The following ETFA variants were observed in gnomAD, a reference collection of about 807,000 sequenced individuals.
The protein encoded by ETFA is electron transfer flavoprotein subunit alpha, also known as electron transfer flavoprotein subunit alpha, mitochondrial.
Under a neutral mutation model 46.2 loss-of-function variants are expected in ETFA, and 22 were observed. The ratio of observed to expected loss-of-function variants is 0.48; its 90% CI spans 0.34 to 0.68. ETFA has a LOEUF of 0.68. Ranked by LOEUF, ETFA falls within the 30% of genes least tolerant of loss-of-function variation. The pLI, the probability that ETFA is intolerant of heterozygous loss-of-function variation, is 0.01. For synonymous variants in ETFA, 131 were observed against 139.9 expected, an observed-to-expected ratio of 0.94 and a Z score of 0.45; for missense variants, 345 against 401.1, an observed-to-expected ratio of 0.86 and a Z score of 1.19.
intron 9 of ETFA, among the ~76,000 whole-genome samples, chr15:76,270,754 G>T (rs1273819308): frequency 6.6e-6 from 1 of 151,986 alleles, no homozygotes; most frequent in Non-Finnish European, 1.5e-5. Context: ...AGACACAGAG[G>T]GGCCTCTCAC....
intron 9 of ETFA, among the ~76,000 whole-genome samples, chr15:76,270,924 C>T (rs1230620766): frequency 6.6e-6 from 1 of 152,150 alleles, no homozygotes; most frequent in Non-Finnish European, 1.5e-5. Context: ...AATCCCAGCA[C>T]TTTGGGAGAC....
At chr15:76,273,043 G>A (rs2039554889) in intron 9 of ETFA, among the ~76,000 whole-genome samples, 3 of 151,962 alleles carry the variant, frequency 2.0e-5, no homozygotes, top group African/African-American at 4.8e-5. Flanking sequence ...AACACAAAAC[G>A]TATTAAGCAT....
rs199789825 is a variant in ETFA at position 76,216,548 on chromosome 15, A to G, written c.*11T>C. 86 of 1,534,546 alleles carry G rather than the reference A, an allele frequency of 5.6e-5. No individual in the cohort carries two copies. In the African/African-American group the frequency reaches 9.1e-4, roughly 16 times the overall value. ...TTAACAAAAGTTTTCTTTTTAAGGC[A>G]TGATCCTGATTCATTTTTTCTTCAA... On this transcript the variant is annotated 3_prime_UTR_variant, in exon 12 of 12. Coordinates refer to ENST00000557943, the MANE Select transcript of ETFA (RefSeq NM_000126.4).
chr15:76,303,786 T>C (rs1280751902), intron 1 of ETFA, among the ~76,000 whole-genome samples: 1 of 152,112 alleles, frequency 6.6e-6, no homozygotes, highest in African/African-American at 2.4e-5. Context: ...TATTTAAAAC[T>C]CAAAAAACAA....
Position 76,225,849 on chromosome 15 carries a change from C to T in ETFA, c.963G>A (p.Lys321=). ...ADYGIVADLF[K]VVPEMTEILK... The stretch of plus-strand genomic sequence containing the variant: ...GCAATTTCTCTCAAGGCCAGCTTAC[C>T]TTAAATAAATCTGCAACTATTCCAT... Residue 321 remains lysine (K), a splice_region_variant and synonymous_variant, in exon 11 of 12, where the codon AAG becomes AAA. Coordinates refer to ENST00000557943, the MANE Select transcript of ETFA (RefSeq NM_000126.4). 1 of 1,597,492 alleles carries T rather than the reference C, an allele frequency of 6.3e-7. No homozygotes were observed. Among genetic ancestry groups the T allele is most frequent in the South Asian group, 1.1e-5 (1 of 90,752 alleles).
intron 9 of ETFA, among the ~76,000 whole-genome samples, chr15:76,237,237 G>C (rs1180906023): frequency 6.6e-6 from 1 of 152,144 alleles, no homozygotes; most frequent in Non-Finnish European, 1.5e-5. Flanking sequence ...ACTCTTAGTA[G>C]AGATGGGGTT....
intron 1 of ETFA, among the ~76,000 whole-genome samples, chr15:76,298,619 C>G (rs1470955508): frequency 6.6e-6 from 1 of 152,118 alleles, no homozygotes; most frequent in Non-Finnish European, 1.5e-5. Flanking sequence ...TTAGCAGCTA[C>G]ACAGGTAGGA....
At chr15:76,295,308 T>C (rs913918729) in intron 2 of ETFA, among the ~76,000 whole-genome samples, 1 of 152,194 alleles carries the variant, frequency 6.6e-6, no homozygotes, top group Non-Finnish European at 1.5e-5. Context: ...GCTATTAACC[T>C]CTAAGGGGAC....
chr15:76,268,930 A>C (rs1345776995), intron 9 of ETFA, among the ~76,000 whole-genome samples: 1 of 152,188 alleles, frequency 6.6e-6, no homozygotes, highest in Non-Finnish European at 1.5e-5. Flanking sequence ...AGAGATGAAA[A>C]TCTCACCCTT....
chr15:76,290,943 C>T (rs988131627), intron 4 of ETFA, among the ~76,000 whole-genome samples: 1 of 152,164 alleles, frequency 6.6e-6, no homozygotes, highest in Non-Finnish European at 1.5e-5. Context: ...AGGCTAAGCA[C>T]AGTGACTTAT....
Position 76,216,362 on chromosome 15 carries a change from T to C in ETFA, c.*197A>G, listed in dbSNP as rs902903489. 1.8e-6 allele frequency: 1 copy of C among 560,728 alleles called. No individual in the cohort carries two copies. Among genetic ancestry groups the C allele is most frequent in the African/African-American group, 1.9e-5 (1 of 52,678 alleles). 34.7% of individuals were successfully genotyped at this position (560,728 alleles called of 1,614,324 possible). A position where few individuals can be genotyped will look rare whatever the true frequency, so the allele number is the denominator to read the frequency against. On this transcript the variant is annotated 3_prime_UTR_variant, in exon 12 of 12. Transcript: ENST00000557943. ...AGAATTTAAAAAGTTCAAACAATAA[T>C]TGTTTGGAACCACAAATAATTAAAA...
intron 1 of ETFA, among the ~76,000 whole-genome samples, chr15:76,304,579 A>C (rs1163405267): frequency 6.6e-6 from 1 of 151,564 alleles, no homozygotes; most frequent in Non-Finnish European, 1.5e-5. Flanking sequence ...TGGAAGGATC[A>C]TTTAAGCCTA....
At chr15:76,221,798 A>C (rs1039953034) in intron 11 of ETFA, among the ~76,000 whole-genome samples, 3 of 152,220 alleles carry the variant, frequency 2.0e-5, no homozygotes, top group African/African-American at 7.2e-5. Flanking sequence ...AAAGCTCTTA[A>C]TTACTATAAC....
intron 9 of ETFA, among the ~76,000 whole-genome samples, chr15:76,254,601 A>G (rs2039331516): frequency 6.6e-6 from 1 of 152,074 alleles, no homozygotes; most frequent in African/African-American, 2.4e-5. Context: ...AGTCAAACCT[A>G]TTTTCATAGT....
intron 9 of ETFA, among the ~76,000 whole-genome samples, chr15:76,266,290 C>T (rs1267748291): frequency 1.3e-5 from 2 of 152,074 alleles, no homozygotes; most frequent in African/African-American, 4.8e-5. Flanking sequence ...TTACTGTTCC[C>T]GCCATAAATA....
intron 1 of ETFA, among the ~76,000 whole-genome samples, chr15:76,304,810 C>T (rs1053868635): frequency 5.9e-5 from 9 of 151,910 alleles, no homozygotes; most frequent in Non-Finnish European, 1.2e-4. Flanking sequence ...TTTGGGAGGC[C>T]GAGGCGGGCA....
At position 76,295,678 on chromosome 15, in the gene ETFA, T is replaced by C; in HGVS notation, c.99A>G (p.Leu33=). The change falls in exon 2 of 12, where the codon CTA becomes CTG. Residue 33 remains leucine, a synonymous_variant. Transcript: ENST00000557943. The stretch of plus-strand genomic sequence containing the variant: ...TAATGGTATTTAAAGTAATGGGTGC[T>C]AGGGAATCATTTGCATGCTCAGCTA... ...LVIAEHANDS[L]APITLNTITA... 3.7e-6 allele frequency: 6 copies of C among 1,613,084 alleles called. No homozygotes were observed. The highest frequency in any genetic ancestry group is 5.1e-6 in the Non-Finnish European group (6 of 1,179,566).
At chr15:76,230,861 CCT>C in intron 10 of ETFA, 1 of 160,852 alleles carries the variant, frequency 6.2e-6, no homozygotes, top group Non-Finnish European at 1.4e-5. Flanking sequence ...GAAGTGGGGC[CCT>C]GCTGATATAT....
chr15:76,246,763 G>A (rs551845420), intron 9 of ETFA, among the ~76,000 whole-genome samples: 29 of 152,062 alleles, frequency 1.9e-4, no homozygotes, highest in African/African-American at 6.5e-4. Context: ...AACCCGGGAG[G>A]TGGAGCTTGC....
Sources: allele counts gnomAD v4.1 joint callset (sites outside exome capture counted in the v4.1 genomes callset), GRCh38; gene constraint gnomAD v4.1.1; transcripts MANE v1.5; gene names NCBI Gene and HGNC (gene_info 2026-07-23, HGNC 2026-07-21).